ZNF585A: variants seen among roughly 807,000 people sequenced by gnomAD.
ZNF585A encodes zinc finger protein 585A.
A neutral mutation model predicts 14.9 loss-of-function variants in ZNF585A; 9 were observed. The ratio of observed to expected loss-of-function variants is 0.60; its 90% CI spans 0.36 to 1.05. The LOEUF (loss-of-function observed/expected upper bound fraction) is 1.05. ZNF585A is among the 50% of genes least tolerant of loss of function. The pLI is 0.01. For missense variants in ZNF585A, 726 were observed against 926.4 expected (o/e 0.78, Z 2.81); for synonymous variants, 276 against 319.9 (o/e 0.86, Z 1.46).
chr19:37,151,499 T>C lies in ZNF585A; in HGVS notation c.*90A>G. On this transcript the variant is annotated 3_prime_UTR_variant, in exon 5 of 5. Transcript: ENST00000292841. ...GACATTCTGCTGTGGTCATTTCTATTTACAATAATATACATATTTTTCTGC... is the reference window on the plus strand; with the variant it reads ...GACATTCTGCTGTGGTCATTTCTATCTACAATAATATACATATTTTTCTGC... 7.5e-7 allele frequency: 1 copy of C among 1,325,798 alleles called. No individual in the cohort carries two copies. The highest frequency in any genetic ancestry group is 1.0e-6 in the Non-Finnish European group (1 of 970,550). The allele number at this position is 1,325,798 out of a possible 1,614,324, so 82.1% of individuals were successfully genotyped here.
At chr19:37,153,751 G>C in intron 4 of ZNF585A, 145 bp from the exon 5 acceptor site, 1 of 692,772 alleles carries the variant, frequency 1.4e-6, no homozygotes, top group South Asian at 2.2e-5. Flanking sequence ...ATATTGATGG[G>C]GTCTTTTGGG....
chr19:37,166,731 A>C (rs1227990673), intron 2 of ZNF585A, among the ~76,000 whole-genome samples: 2 of 150,624 alleles, frequency 1.3e-5, no homozygotes, highest in Non-Finnish European at 2.9e-5. Context: ...TGTCAAACTC[A>C]TACCTTAGGT....
In ZNF585A at chr19:37,169,512, T is replaced by C. The variant is rs748982180; in HGVS notation, c.72+327A>G. On this transcript the variant is annotated intron_variant, in intron 2 of 4. Transcript: ENST00000292841. ...TTAGGAAGAAACAAGAGAAATACTT[T>C]GAAAATCCCACAGAAAAGTGACTTC... Among the ~76,000 whole-genome samples, 88 of 151,466 alleles carry C rather than the reference T, an allele frequency of 5.8e-4. 1 individual carries two copies. Among genetic ancestry groups the C allele is most frequent in the Admixed American group, 5.9e-4 (9 of 15,216 alleles).
chr19:37,171,960 AAAG>A (rs999689547), intron 1 of ZNF585A, among the ~76,000 whole-genome samples: 13 of 152,052 alleles, frequency 8.5e-5, no homozygotes, highest in Non-Finnish European at 1.8e-4. Context: ...TAAAGCAGAA[AAAG>A]AAGGACAAAT....
intron 2 of ZNF585A, among the ~76,000 whole-genome samples, chr19:37,158,802 T>A (rs1971969080): frequency 6.6e-6 from 1 of 152,214 alleles, no homozygotes; most frequent in Non-Finnish European, 1.5e-5. Context: ...TTGTGTGACA[T>A]TAGCTTACTG....
Position 37,153,541 on chromosome 19 carries a change from GT to G in ZNF585A, c.357del (p.Gln119HisfsTer31). The stretch of plus-strand genomic sequence containing the variant: ...TTCTCCCCAGGATACATTTTTTGAG[GT>G]TGAGAGGATACTTGTTTATAACTGA... ...KILSYKQVSSQPQKMYPGEKA... is the reference protein window; with the variant it reads ...KILSYKQVSSXPQKMYPGEKA... On this transcript the variant is annotated frameshift_variant, in exon 5 of 5. Transcript: ENST00000292841. LOFTEE classifies it low-confidence loss of function (END_TRUNC). 1 of 1,614,020 alleles carries G rather than the reference GT, an allele frequency of 6.2e-7. No homozygotes were observed. Among genetic ancestry groups the G allele is most frequent in the South Asian group, 1.1e-5 (1 of 91,068 alleles).
At chr19:37,163,250 A>T (rs1434742760) in intron 2 of ZNF585A, among the ~76,000 whole-genome samples, 1 of 152,074 alleles carries the variant, frequency 6.6e-6, no homozygotes, top group African/African-American at 2.4e-5. Context: ...AGATGCTATG[A>T]GTAAAAGGAT....
chr19:37,158,999 G>A (rs1971971771), intron 2 of ZNF585A, among the ~76,000 whole-genome samples: 1 of 152,150 alleles, frequency 6.6e-6, no homozygotes. Context: ...TGTAATCCCA[G>A]CACTTTGGGA....
At chr19:37,164,319 CG>C (rs1178998624) in intron 2 of ZNF585A, among the ~76,000 whole-genome samples, 2 of 151,944 alleles carry the variant, frequency 1.3e-5, no homozygotes, top group East Asian at 3.9e-4. Context: ...AGGAGAATGG[CG>C]TGGACCCGGG....
chr19:37,155,633 C>T (rs1257088578), intron 4 of ZNF585A, among the ~76,000 whole-genome samples: 1 of 151,956 alleles, frequency 6.6e-6, no homozygotes, highest in African/African-American at 2.4e-5. Flanking sequence ...CCAGCCTGGG[C>T]AACACAGCCC....
chr19:37,152,166 T>A lies in ZNF585A; in HGVS notation c.1733A>T (p.Tyr578Phe). ...HQKIHTGEKP[Y>F]VCTECGRAFI... The stretch of plus-strand genomic sequence containing the variant: ...AGCTCTTCCACACTCAGTGCATACA[T>A]AGGGTTTCTCTCCTGTATGAATTTT... Residue 578 changes from tyrosine (Y) to phenylalanine (F), a missense_variant, in exon 5 of 5, where the codon TAT (tyrosine) becomes TTT (phenylalanine). Transcript: ENST00000292841. 1 of 1,607,990 alleles carries A rather than the reference T, an allele frequency of 6.2e-7. No homozygotes were observed. The highest frequency in any genetic ancestry group is 8.5e-7 in the Non-Finnish European group (1 of 1,175,962).
chr19:37,151,550 A>G lies in ZNF585A; in HGVS notation c.*39T>C. ...TGCATGCGTGCAACAGTGTACAATC[A>G]GACCCAACCCTCAGGGGGGTTTTCT... On this transcript the variant is annotated 3_prime_UTR_variant, in exon 5 of 5. Coordinates refer to ENST00000292841, the MANE Select transcript of ZNF585A (RefSeq NM_001288800.2). 6.4e-7 allele frequency: 1 copy of G among 1,563,970 alleles called. No homozygotes were observed. Among genetic ancestry groups the G allele is most frequent in the Non-Finnish European group, 8.7e-7 (1 of 1,154,524 alleles).
At position 37,153,374 on chromosome 19, in the gene ZNF585A, T is replaced by C. The variant is rs1289826101; in HGVS notation, c.525A>G (p.Ile175Met). Residue 175 changes from isoleucine to methionine, a missense_variant, in exon 5 of 5, where the codon ATA (isoleucine) becomes ATG (methionine). Transcript: ENST00000292841. The part of the protein sequence containing the change: ...KAFVQKPEFI[I>M]HQKTHMREKP... Reference sequence around the variant, plus strand: ...TCTCTCTCATATGGGTTTTCTGGTGTATAATAAATTCTGGCTTCTGTACAA... The same window carrying C: ...TCTCTCTCATATGGGTTTTCTGGTGCATAATAAATTCTGGCTTCTGTACAA... 1.2e-6 allele frequency: 2 copies of C among 1,614,002 alleles called. No homozygotes were observed. Among genetic ancestry groups the C allele is most frequent in the African/African-American group, 1.3e-5 (1 of 75,016 alleles).
intron 2 of ZNF585A, among the ~76,000 whole-genome samples, chr19:37,167,563 G>A (rs540740638): frequency 3.4e-4 from 52 of 151,724 alleles, no homozygotes; most frequent in Non-Finnish European, 5.3e-4. Flanking sequence ...GTACATTCAC[G>A]TTGTGTAAGA....
At chr19:37,166,884 A>C (rs1169214534) in intron 2 of ZNF585A, among the ~76,000 whole-genome samples, 3 of 152,122 alleles carry the variant, frequency 2.0e-5, no homozygotes, top group Admixed American at 2.0e-4. Flanking sequence ...CGCAGACTGG[A>C]GTACAGTGGC....
At chr19:37,159,248 C>CAAAAAAAAAAAAAAAAAAA in intron 2 of ZNF585A, among the ~76,000 whole-genome samples, 1 of 69,356 alleles carries the variant, frequency 1.4e-5, no homozygotes, top group Non-Finnish European at 2.8e-5. Context: ...GACTCCATCT[C>CAAAAAAAAAAAAAAAAAAA]AAAAAAAAAA....
chr19:37,168,962 G>T (rs1972139219), intron 2 of ZNF585A, among the ~76,000 whole-genome samples: 1 of 152,180 alleles, frequency 6.6e-6, no homozygotes, highest in African/African-American at 2.4e-5. Flanking sequence ...AGAAACATGG[G>T]GGTAGGTGGG....
At chr19:37,171,022 T>G (rs1275969708) in intron 1 of ZNF585A, among the ~76,000 whole-genome samples, 1 of 152,144 alleles carries the variant, frequency 6.6e-6, no homozygotes, top group East Asian at 1.9e-4. Flanking sequence ...GGTATTCAAA[T>G]GAGTGTGCAT....
chr19:37,165,222 C>T (rs1295618611), intron 2 of ZNF585A, among the ~76,000 whole-genome samples: 1 of 151,932 alleles, frequency 6.6e-6, no homozygotes, highest in Admixed American at 6.6e-5. Context: ...ATTAGCTGGG[C>T]GTGGTGGCGC....
Sources: gnomAD v4.1 joint callset for allele counts (sites outside exome capture counted in the v4.1 genomes callset) on GRCh38, gnomAD v4.1.1 for gene constraint, MANE v1.5 for transcripts, NCBI Gene and HGNC (gene_info 2026-07-23, HGNC 2026-07-21) for gene names.